Variants in GLRA2 observed in about 807,000 individuals in gnomAD.
GLRA2 encodes glycine receptor alpha 2.
GLRA2 carries 11 observed loss-of-function variants against 31.6 expected under a neutral mutation model. That is an observed-to-expected ratio of 0.35 (90% CI 0.22 to 0.58). The LOEUF (loss-of-function observed/expected upper bound fraction) is 0.58. Ranked by LOEUF, GLRA2 falls within the 20% of genes least tolerant of loss-of-function variation. The pLI, the probability that GLRA2 is intolerant of heterozygous loss-of-function variation, is 0.84. For missense variants in GLRA2, 212 were observed against 351.8 expected (o/e 0.60, Z 3.18); for synonymous variants, 132 against 134.0 (o/e 0.99, Z 0.10).
chrX:14,504,274 T>G, the GLRA2 span, among the ~76,000 whole-genome samples: 1 of 112,107 alleles, frequency 8.9e-6, no homozygotes, highest in Non-Finnish European at 1.9e-5. Context: ...ACATGATAGC[T>G]GAACTTAAAT....
chrX:14,630,409 A>G (rs992164327), intron 7 of GLRA2, among the ~76,000 whole-genome samples: 2 of 111,614 alleles, frequency 1.8e-5, no homozygotes, highest in Admixed American at 1.9e-4. Context: ...CAATTTAATT[A>G]TGATGTGGCT....
chrX:14,574,517 C>G, intron 3 of GLRA2, 117 bp downstream of exon 3: 1 of 1,203,743 alleles, frequency 8.3e-7, no homozygotes, highest in Non-Finnish European at 1.1e-6. Flanking sequence ...TTACCTGCAA[C>G]ATATTTATCA....
At chrX:14,503,649 G>A in the GLRA2 span, among the ~76,000 whole-genome samples, 1 of 111,512 alleles carries the variant, frequency 9.0e-6, no homozygotes, top group Admixed American at 9.5e-5. Context: ...TTCAAGGTGA[G>A]GGCATGAGGG....
chrX:14,551,631 T>G (rs1405715714), intron 2 of GLRA2, among the ~76,000 whole-genome samples: 1 of 111,911 alleles, frequency 8.9e-6, no homozygotes, highest in African/African-American at 3.3e-5. Flanking sequence ...ATTTGTGATG[T>G]ACTTAAACAT....
At chrX:14,675,809 T>G (rs2091139393) in intron 7 of GLRA2, among the ~76,000 whole-genome samples, 1 of 112,179 alleles carries the variant, frequency 8.9e-6, no homozygotes, top group East Asian at 2.8e-4. Context: ...CAGGATTAAC[T>G]TGACTATATT....
chrX:14,489,614 C>T, the GLRA2 span, among the ~76,000 whole-genome samples: 9 of 112,189 alleles, frequency 8.0e-5, no homozygotes, highest in African/African-American at 2.9e-4. Flanking sequence ...GAAAGCGATG[C>T]GGACTTCTGT....
At chrX:14,714,713 T>C (rs1039989351) in intron 8 of GLRA2, among the ~76,000 whole-genome samples, 5 of 112,526 alleles carry the variant, frequency 4.4e-5, no homozygotes, top group Non-Finnish European at 9.4e-5. Context: ...ACATGTGTGA[T>C]CAAGGCAATG....
chrX:14,690,380 TTAACA>T (rs2091332053), intron 7 of GLRA2, among the ~76,000 whole-genome samples: 1 of 111,829 alleles, frequency 8.9e-6, no homozygotes, highest in Non-Finnish European at 1.9e-5. Flanking sequence ...ATTGAGCTAC[TTAACA>T]TATGCATTAT....
At chrX:14,608,006 A>G (rs1254786231) in intron 6 of GLRA2, among the ~76,000 whole-genome samples, 1 of 111,648 alleles carries the variant, frequency 9.0e-6, no homozygotes, top group Non-Finnish European at 1.9e-5. Flanking sequence ...AGAGACAATC[A>G]AGACATGATG....
At chrX:14,510,426 G>A in the GLRA2 span, among the ~76,000 whole-genome samples, 8 of 111,547 alleles carry the variant, frequency 7.2e-5, no homozygotes, top group Non-Finnish European at 1.5e-4. Context: ...TGTCAATGAA[G>A]CCTAATTTTT....
chrX:14,602,352 GTTGT>G (rs368812932), intron 4 of GLRA2, among the ~76,000 whole-genome samples: 50,343 of 104,055 alleles, frequency 0.48, 9,983 homozygotes, highest in Non-Finnish European at 0.55. Context: ...TGTACAAACC[GTTGT>G]TTGTTTGTTT....
chrX:14,616,312 G>A (rs1344449982), intron 7 of GLRA2, among the ~76,000 whole-genome samples: 1 of 111,854 alleles, frequency 8.9e-6, no homozygotes, highest in Admixed American at 9.5e-5. Context: ...GCAAACACTG[G>A]GATAGCTAGA....
chrX:14,638,422 A>T (rs889896465), intron 7 of GLRA2, among the ~76,000 whole-genome samples: 5 of 111,579 alleles, frequency 4.5e-5, no homozygotes, highest in African/African-American at 1.6e-4. Context: ...ATTGTTTCTC[A>T]TTCAAATAAA....
At chrX:14,527,572 G>A (rs1423100177), upstream of GLRA2, among the ~76,000 whole-genome samples, 3 of 107,423 alleles carry the variant, frequency 2.8e-5, no homozygotes, top group Admixed American at 1.0e-4. Context: ...CTGAGATGAC[G>A]CCACTGCACT....
chrX:14,454,173 C>T, the GLRA2 span, among the ~76,000 whole-genome samples: 1 of 20,927 alleles, frequency 4.8e-5, no homozygotes, highest in African/African-American at 2.3e-4. Flanking sequence ...CCCACACACA[C>T]CCACACCCAC....
intron 7 of GLRA2, among the ~76,000 whole-genome samples, chrX:14,652,040 T>C (rs1248318287): frequency 9.0e-6 from 1 of 111,297 alleles, no homozygotes; most frequent in East Asian, 2.8e-4. Context: ...AAAGCAGCCA[T>C]TCACAAGCCA....
intron 7 of GLRA2, among the ~76,000 whole-genome samples, chrX:14,640,450 A>G (rs189759843): frequency 8.9e-6 from 1 of 112,138 alleles, no homozygotes; most frequent in Admixed American, 9.5e-5. Flanking sequence ...TTTTTCTCAG[A>G]GTAAAACATA....
At chrX:14,452,545 C>T in the GLRA2 span, among the ~76,000 whole-genome samples, 4 of 112,300 alleles carry the variant, frequency 3.6e-5, no homozygotes, top group Non-Finnish European at 7.5e-5. Flanking sequence ...CAGAATGATA[C>T]GAGTCCTAGT....
chrX:14,599,756 CTT>C (rs1327527789), intron 4 of GLRA2, among the ~76,000 whole-genome samples: 1 of 110,986 alleles, frequency 9.0e-6, no homozygotes, highest in Non-Finnish European at 1.9e-5. Context: ...TGCACTGTAT[CTT>C]AAGATTTGTG....
Sources: gnomAD v4.1 joint callset for allele counts (sites outside exome capture counted in the v4.1 genomes callset) on GRCh38, gnomAD v4.1.1 for gene constraint, MANE v1.5 for transcripts, NCBI Gene and HGNC (gene_info 2026-07-23, HGNC 2026-07-21) for gene names.